The following ZNF711 variants were observed in gnomAD, a reference collection of about 807,000 sequenced individuals.
ZNF711 encodes zinc finger protein 711.
ZNF711 carries 3 observed loss-of-function variants against 43.5 expected under a neutral mutation model. The observed-to-expected ratio is 0.07, with a 90% CI of 0.03 to 0.18. The LOEUF is 0.18. Among genes scored for constraint, ZNF711 ranks in the 10% least tolerant of loss-of-function variants. The pLI, the probability that ZNF711 is intolerant of heterozygous loss-of-function variation, is 1.00. For missense variants in ZNF711, 412 were observed against 604.0 expected, an observed-to-expected ratio of 0.68 and a Z score of 3.33; for synonymous variants, 209 against 207.7, an observed-to-expected ratio of 1.01 and a Z score of -0.06.
At chrX:85,252,606 A>T (rs17278387) in intron 4 of ZNF711, among the ~76,000 whole-genome samples, 12,605 of 111,634 alleles carry the variant, frequency 0.11, 587 homozygotes, top group South Asian at 0.18. Context: ...TTGCTAAAAA[A>T]CCACATTTCT....
In ZNF711 at chrX:85,265,141, A is replaced by C. The variant is rs2147856295; in HGVS notation, c.802A>C (p.Ser268Arg). ...AGGTGGAACAGAAATTGTCACAGAG[A>C]GTGAGTACACCAGTGGACATTCAGT... Reference protein sequence around the residue: ...EIGGTEIVTESEYTSGHSVAG... With the variant: ...EIGGTEIVTEREYTSGHSVAG... Residue 268 changes from serine (S) to arginine (R), a missense_variant, in exon 7 of 11, where the codon AGT becomes CGT. Coordinates refer to ENST00000674551, the MANE Select transcript of ZNF711 (RefSeq NM_001330574.2). 10 of 1,208,579 alleles carry C rather than the reference A, an allele frequency of 8.3e-6. No homozygotes were observed. Among genetic ancestry groups the C allele is most frequent in the Non-Finnish European group, 1.1e-5 (10 of 893,404 alleles).
intron 6 of ZNF711, among the ~76,000 whole-genome samples, 188 bp from the exon 7 acceptor site, chrX:85,264,930 A>G (rs1036392593): frequency 3.6e-5 from 4 of 111,571 alleles, no homozygotes; most frequent in African/African-American, 1.3e-4. Flanking sequence ...TGTAAGGATT[A>G]ACAATTGTCA....
At position 85,253,668 on chromosome X, in the gene ZNF711, C is replaced by A. The variant is rs1457456445; in HGVS notation, c.80-1591C>A. On this transcript the variant is annotated intron_variant, in intron 4 of 10. Coordinates refer to ENST00000674551, the MANE Select transcript of ZNF711 (RefSeq NM_001330574.2). Reference sequence around the variant, plus strand: ...TGTATGTGAATGTATATATTCTATGCAGTTTTATCCCACATATAGATTTGT... The same window carrying A: ...TGTATGTGAATGTATATATTCTATGAAGTTTTATCCCACATATAGATTTGT... Among the ~76,000 whole-genome samples, 3 of 109,618 alleles carry A rather than the reference C, an allele frequency of 2.7e-5. No individual in the cohort carries two copies. In the South Asian group the frequency reaches 1.2e-3, roughly 43 times the overall value.
Position 85,271,880 on chromosome X carries a change from G to A in ZNF711, c.*52G>A, listed in dbSNP as rs1271497044. 5 of 1,016,338 alleles carry A rather than the reference G, an allele frequency of 4.9e-6. No homozygotes were observed. The highest frequency in any genetic ancestry group is 4.1e-6 in the Non-Finnish European group (3 of 725,145). The allele number at this position is 1,016,338 out of a possible 1,213,427, so 83.8% of individuals were successfully genotyped here. A position where few individuals can be genotyped will look rare whatever the true frequency, so the allele number is the denominator to read the frequency against. ...TTTAGGAGATATGATATGCTACTTG[G>A]GAGAAAACTCTCACTAACTGTCTCA... On this transcript the variant is annotated 3_prime_UTR_variant, in exon 11 of 11. Coordinates refer to ENST00000674551, the MANE Select transcript of ZNF711 (RefSeq NM_001330574.2).
chrX:85,256,344 G>A (rs1388263013), intron 5 of ZNF711, among the ~76,000 whole-genome samples: 2 of 111,993 alleles, frequency 1.8e-5, no homozygotes, highest in Non-Finnish European at 3.8e-5. Flanking sequence ...TATTTAACAT[G>A]TTTATTTTAG....
chrX:85,257,040 T>A (rs1930207508), intron 5 of ZNF711, among the ~76,000 whole-genome samples: 1 of 111,791 alleles, frequency 8.9e-6, no homozygotes, highest in African/African-American at 3.2e-5. Context: ...AAAATTTAGA[T>A]GTCATGTATT....
rs1310484932 is a variant in ZNF711, at chrX:85,273,154, C to T, written c.*1326C>T. 9.0e-6 allele frequency: 1 copy of T among 111,716 alleles called. No individual in the cohort carries two copies. Among genetic ancestry groups the T allele is most frequent in the African/African-American group, 3.3e-5 (1 of 30,698 alleles). 9.2% of individuals were successfully genotyped at this position (111,716 alleles called of 1,213,427 possible). On this transcript the variant is annotated 3_prime_UTR_variant, in exon 11 of 11. Transcript: ENST00000674551. ...TAATGTTCACCTTTCTGTTTTTGCA[C>T]CAGATAAGAATCAGTTCCTTGAGAA...
chrX:85,255,745 A>G lies in ZNF711; in HGVS notation c.566A>G (p.Glu189Gly), dbSNP rs1930074988. 1.7e-6 allele frequency: 2 copies of G among 1,210,985 alleles called. No homozygotes were observed. Among genetic ancestry groups the G allele is most frequent in the Non-Finnish European group, 2.2e-6 (2 of 895,276 alleles). ...GGTTCTACAGTTACTATAAAAACCGAAGATGATGATGATGATGATGTCAAG... is the reference window on the plus strand; with the variant it reads ...GGTTCTACAGTTACTATAAAAACCGGAGATGATGATGATGATGATGTCAAG... ...VPGSTVTIKT[E>G]DDDDDDVKST... is the part of the protein sequence containing the mutation. Residue 189 changes from glutamate to glycine, a missense_variant, in exon 5 of 11, where the codon GAA (glutamate) becomes GGA (glycine). Physicochemically the swap from Glu to Gly is moderately conservative, Grantham distance 98. This residue lies in a region of ZNF711 where 375 missense variants were observed against 514.2 expected (regional missense o/e 0.73). Transcript: ENST00000674551.
chrX:85,255,283 A>G lies in ZNF711; in HGVS notation c.104A>G (p.His35Arg), dbSNP rs764436902. ...GTGGCTGGAATGGCTGGTACTGCAC[A>G]TATCGATGGAGACCATATTGTTGTT... is the stretch of plus-strand genomic sequence containing the variant. Reference protein sequence around the residue: ...DFVAGMAGTAHIDGDHIVVSV... With the variant: ...DFVAGMAGTARIDGDHIVVSV... The change falls in exon 5 of 11, where the codon CAT (histidine) becomes CGT (arginine). Residue 35 changes from histidine (H) to arginine (R), a missense_variant. Physicochemically the swap from His to Arg is conservative, Grantham distance 29 (BLOSUM62 0). This residue lies in a region of ZNF711 where 375 missense variants were observed against 514.2 expected (regional missense o/e 0.73). Coordinates refer to ENST00000674551, the MANE Select transcript of ZNF711 (RefSeq NM_001330574.2). 1 of 1,211,543 alleles carries G rather than the reference A, an allele frequency of 8.3e-7. No homozygotes were observed. The highest frequency in any genetic ancestry group is 1.1e-6 in the Non-Finnish European group (1 of 895,272).
rs1172914576 is a variant in ZNF711 at position 85,273,350 on chromosome X, T to C, written c.*1522T>C. ...GAAATGAGCATACAATAAAAAGCAT[T>C]TATTGCACTTAATGGTTTTATAAGT... On this transcript the variant is annotated 3_prime_UTR_variant, in exon 11 of 11. Transcript: ENST00000674551. 8.9e-6 allele frequency: 1 copy of C among 111,933 alleles called. No homozygotes were observed. The highest frequency in any genetic ancestry group is 3.2e-5 in the African/African-American group (1 of 30,801). 9.2% of individuals were successfully genotyped at this position (111,933 alleles called of 1,213,427 possible).
chrX:85,270,709 A>G lies in ZNF711; in HGVS notation c.1305A>G (p.Thr435=). 1 of 1,208,006 alleles carries G rather than the reference A, an allele frequency of 8.3e-7. No homozygotes were observed. The highest frequency in any genetic ancestry group is 1.1e-6 in the Non-Finnish European group (1 of 893,389). ...PLTVYPCHIC[T]KKFKSRGFLK... is the part of the protein sequence containing the mutation. The stretch of plus-strand genomic sequence containing the variant: ...CAGTGTACCCTTGCCATATTTGCAC[A>G]AAAAAGTTTAAATCCAGGGGATTCT... The change falls in exon 11 of 11, where the codon ACA becomes ACG. Residue 435 remains threonine, a synonymous_variant. Coordinates refer to ENST00000674551, the MANE Select transcript of ZNF711 (RefSeq NM_001330574.2).
rs561894398 is a variant in ZNF711 at position 85,251,000 on chromosome X, G to GC, written c.79+3356dup. On this transcript the variant is annotated intron_variant, in intron 4 of 10. Coordinates refer to ENST00000674551, the MANE Select transcript of ZNF711 (RefSeq NM_001330574.2). Reference sequence around the variant, plus strand: ...ATAACTTAGATTTCTTCTGAAAGCAGCCCCCCCATGCTTATTTTACCTCCC... The same window carrying GC: ...ATAACTTAGATTTCTTCTGAAAGCAGCCCCCCCCATGCTTATTTTACCTCCC... 3.0e-3 allele frequency among the ~76,000 whole-genome samples: 335 copies of GC among 110,949 alleles called. 1 individual carries two copies. Among genetic ancestry groups the GC allele is most frequent in the Middle Eastern group, 9.3e-3 (2 of 214 alleles).
chrX:85,271,285 G>C lies in ZNF711; in HGVS notation c.1881G>C (p.Leu627=). The C allele has an allele frequency of 1.7e-6, 2 of 1,210,361 alleles. No individual in the cohort carries two copies. Among genetic ancestry groups the C allele is most frequent in the Non-Finnish European group, 2.2e-6 (2 of 894,870 alleles). ...FGDERELQRH[L]DLFQGHKTHQ... ...ATGAGAGGGAGCTTCAACGCCATCT[G>C]GATTTGTTTCAAGGACATAAGACAC... The change falls in exon 11 of 11, where the codon CTG becomes CTC. Residue 627 remains leucine (L), a synonymous_variant. Transcript: ENST00000674551.
At chrX:85,250,042 C>T (rs1295956444) in intron 4 of ZNF711, among the ~76,000 whole-genome samples, 1 of 112,618 alleles carries the variant, frequency 8.9e-6, no homozygotes, top group Non-Finnish European at 1.9e-5. Context: ...CATTCGTTTT[C>T]ACTGCCAATG....
Position 85,255,542 on chromosome X carries a change from C to T in ZNF711, c.363C>T (p.Thr121=). 1 of 1,211,657 alleles carries T rather than the reference C, an allele frequency of 8.3e-7. No homozygotes were observed. Among genetic ancestry groups the T allele is most frequent in the Non-Finnish European group, 1.1e-6 (1 of 895,536 alleles). The change falls in exon 5 of 11, where the codon ACC becomes ACT. Residue 121 remains threonine, a synonymous_variant. Coordinates refer to ENST00000674551, the MANE Select transcript of ZNF711 (RefSeq NM_001330574.2). The part of the protein sequence containing the change: ...HILTSELITE[T]VRVPEQVFVA... ...TGACTTCTGAACTAATTACAGAAAC[C>T]GTTAGGGTACCAGAGCAGGTTTTCG... is the stretch of plus-strand genomic sequence containing the variant.
In ZNF711 at chrX:85,255,932, G is replaced by A. The variant is rs1930095141; in HGVS notation, c.622+131G>A. The A allele has an allele frequency of 1.7e-5, 10 of 601,619 alleles. No homozygotes were observed. In the East Asian group the frequency reaches 3.6e-4, roughly 22 times the overall value. The allele number at this position is 601,619 out of a possible 1,213,427, so 49.6% of individuals were successfully genotyped here. Reference sequence around the variant, plus strand: ...TTTTGAAAAATAATTTTTTGAAGCAGTGTCATTAAGATGCTGTTTTGAGTT... The same window carrying A: ...TTTTGAAAAATAATTTTTTGAAGCAATGTCATTAAGATGCTGTTTTGAGTT... On this transcript the variant is annotated intron_variant, in intron 5 of 10. Coordinates refer to ENST00000674551, the MANE Select transcript of ZNF711 (RefSeq NM_001330574.2).
At chrX:85,266,926 T>C (rs917031214) in intron 7 of ZNF711, among the ~76,000 whole-genome samples, 3 of 108,204 alleles carry the variant, frequency 2.8e-5, no homozygotes, top group Admixed American at 1.0e-4. Flanking sequence ...TCTAGTATTA[T>C]TTCTATGAGA....
chrX:85,246,585 A>T (rs1929068319), intron 2 of ZNF711, among the ~76,000 whole-genome samples: 1 of 112,254 alleles, frequency 8.9e-6, no homozygotes, highest in African/African-American at 3.2e-5. Context: ...TTTATTAAGC[A>T]GTCCTACGTG....
chrX:85,245,240 A>G (rs1007472454), intron 1 of ZNF711, among the ~76,000 whole-genome samples: 4 of 112,239 alleles, frequency 3.6e-5, no homozygotes, highest in African/African-American at 9.7e-5. Flanking sequence ...GAGCTATGTT[A>G]GAAGAGACAG....
Sources: gnomAD v4.1 joint callset for allele counts (sites outside exome capture counted in the v4.1 genomes callset) on GRCh38, gnomAD v4.1.1 for gene constraint, gnomAD v4.1.1 regional missense constraint, MANE v1.5 for transcripts, NCBI Gene and HGNC (gene_info 2026-07-23, HGNC 2026-07-21) for gene names.